Variants in CPAMD8 observed in about 807,000 individuals in gnomAD.
CPAMD8 encodes C3 and PZP-like alpha-2-macroglobulin domain-containing protein 8.
In CPAMD8, 146 loss-of-function variants were observed where a neutral mutation model predicts 224.7. The observed-to-expected ratio is 0.65, with a 90% CI of 0.57 to 0.75. The LOEUF (loss-of-function observed/expected upper bound fraction) is 0.75, where lower values mean the gene tolerates loss of function less well. Among genes scored for constraint, CPAMD8 ranks in the 30% least tolerant of loss-of-function variants. CPAMD8 has a pLI of 0.00. For missense variants in CPAMD8, 2,301 were observed against 2,537.5 expected (o/e 0.91, Z 2.00); for synonymous variants, 966 against 1,044.6 (o/e 0.92, Z 1.45).
intron 22 of CPAMD8, among the ~76,000 whole-genome samples, chr19:16,939,321 C>T (rs1412926670): frequency 1.3e-5 from 2 of 152,024 alleles, no homozygotes; most frequent in African/African-American, 4.8e-5. Flanking sequence ...AAGTCTCATG[C>T]CTCAGCCTCC....
chr19:16,915,802 A>AGCCTGCCC lies in CPAMD8; in HGVS notation c.3630-997_3630-990dup, dbSNP rs1291555930. 4.9e-3 allele frequency among the ~76,000 whole-genome samples: 680 copies of AGCCTGCCC among 139,706 alleles called. 1 individual carries two copies. Among genetic ancestry groups the AGCCTGCCC allele is most frequent in the African/African-American group, 0.016 (651 of 40,080 alleles). 91.7% of individuals were successfully genotyped at this position (139,706 alleles called of 152,430 possible). ...ATGAACCACAAAAATGGGATGCATTAGCCTGCCCGCCTGCCCGCCTGCCTG... is the reference window on the plus strand; with the variant it reads ...ATGAACCACAAAAATGGGATGCATTAGCCTGCCCGCCTGCCCGCCTGCCCGCCTGCCTG... On this transcript the variant is annotated intron_variant, in intron 27 of 41. Coordinates refer to ENST00000443236, the MANE Select transcript of CPAMD8 (RefSeq NM_015692.5).
At chr19:16,916,007 C>G (rs1356245562) in intron 27 of CPAMD8, among the ~76,000 whole-genome samples, 1 of 150,984 alleles carries the variant, frequency 6.6e-6, no homozygotes, top group East Asian at 1.9e-4. Context: ...CTTCCTCTCT[C>G]TCTCTCTCTT....
At chr19:16,999,352 A>T (rs1187801707) in intron 10 of CPAMD8, among the ~76,000 whole-genome samples, 1 of 152,008 alleles carries the variant, frequency 6.6e-6, no homozygotes, top group Non-Finnish European at 1.5e-5. Context: ...AGGCCGAGGC[A>T]GGTGGATCAC....
chr19:16,980,405 G>T, intron 14 of CPAMD8, 92 bp downstream of exon 14: 1 of 1,231,438 alleles, frequency 8.1e-7, no homozygotes, highest in Non-Finnish European at 1.2e-6. Context: ...TCTCTGCTGG[G>T]TCTTGCCTTG....
Position 16,904,331 on chromosome 19 carries a change from G to A in CPAMD8, c.4146C>T (p.Tyr1382=), listed in dbSNP as rs759126929. Residue 1382 remains tyrosine, a synonymous_variant, in exon 32 of 42, where the codon TAC becomes TAT. Transcript: ENST00000443236. ...CCAGCAGAGTGTAGGTCAGAAGGGC[G>A]TAGGCTGTCATTTCCACCTCGGCCG... ...VVSAEVEMTA[Y]ALLTYTLLGD... is the part of the protein sequence containing the mutation. 31 of 1,613,776 alleles carry A rather than the reference G, an allele frequency of 1.9e-5. No homozygotes were observed. Among genetic ancestry groups the A allele is most frequent in the African/African-American group, 8.0e-5 (6 of 74,918 alleles).
In CPAMD8 at chr19:16,971,053, C is replaced by A. The variant is rs779697866; in HGVS notation, c.2071-20G>T. On this transcript the variant is annotated intron_variant, in intron 17 of 41. Transcript: ENST00000443236. Reference sequence around the variant, plus strand: ...CGTTTCCTAGGCAACAGACAACACCCAAACCATTGGTGGGGAAGTGGATGC... The same window carrying A: ...CGTTTCCTAGGCAACAGACAACACCAAAACCATTGGTGGGGAAGTGGATGC... 3.2e-6 allele frequency: 5 copies of A among 1,581,178 alleles called. No individual in the cohort carries two copies. The highest frequency in any genetic ancestry group is 2.6e-6 in the Non-Finnish European group (3 of 1,162,714).
intron 23 of CPAMD8, among the ~76,000 whole-genome samples, chr19:16,932,715 A>G (rs565073075): frequency 6.6e-6 from 1 of 152,334 alleles, no homozygotes; most frequent in East Asian, 1.9e-4. Flanking sequence ...AAGTAACCAA[A>G]TACTCAAAAT....
intron 21 of CPAMD8, 33 bp downstream of exon 21, chr19:16,947,041 G>A (rs368205586): frequency 6.4e-7 from 1 of 1,557,460 alleles, no homozygotes; most frequent in African/African-American, 1.4e-5. Context: ...GGCCTGGAGA[G>A]GGGGGACACC....
At chr19:16,926,855 C>T (rs1052061547) in intron 25 of CPAMD8, among the ~76,000 whole-genome samples, 2 of 152,174 alleles carry the variant, frequency 1.3e-5, no homozygotes, top group Non-Finnish European at 2.9e-5. Flanking sequence ...AGCCCCACAT[C>T]CACTCTGACT....
intron 29 of CPAMD8, among the ~76,000 whole-genome samples, chr19:16,911,462 A>C (rs1287198262): frequency 2.0e-5 from 3 of 149,372 alleles, no homozygotes; most frequent in African/African-American, 2.5e-5. Flanking sequence ...CCCAGGTTCA[A>C]GCGATTCTCC....
At chr19:16,962,454 TAAATTAATGAAATAAAGC>T (rs2054688924) in intron 18 of CPAMD8, among the ~76,000 whole-genome samples, 1 of 152,082 alleles carries the variant, frequency 6.6e-6, no homozygotes, top group Non-Finnish European at 1.5e-5. Flanking sequence ...GATTGAAGAT[TAAATTAATGAAATAAAGC>T]AAAAAGACAA....
chr19:16,937,080 CCTTCCTTCCTCCTTCCTTCCTTT>C (rs1346776283), intron 23 of CPAMD8, among the ~76,000 whole-genome samples: 4 of 149,148 alleles, frequency 2.7e-5, no homozygotes, highest in Admixed American at 1.3e-4. Context: ...TTCCTTCCTT[CCTTCCTTCCTCCTTCCTTCCTTT>C]CTTCCTTCCC....
intron 1 of CPAMD8, among the ~76,000 whole-genome samples, chr19:17,025,779 G>A (rs1183674396): frequency 1.3e-5 from 2 of 152,222 alleles, no homozygotes; most frequent in East Asian, 3.8e-4. Flanking sequence ...GGAGAGGGAA[G>A]TCTGGATGCT....
chr19:16,927,945 C>T, intron 25 of CPAMD8, 64 bp downstream of exon 25: 1 of 1,197,314 alleles, frequency 8.4e-7, no homozygotes, highest in Non-Finnish European at 1.2e-6. Context: ...GAGACTAAGC[C>T]TGGAGTCTCA....
chr19:16,991,047 T>C (rs1215440986), intron 12 of CPAMD8, among the ~76,000 whole-genome samples: 1 of 151,642 alleles, frequency 6.6e-6, no homozygotes, highest in South Asian at 2.1e-4. Context: ...GGGCAGGAGA[T>C]TGAGATTAGT....
chr19:16,990,263 G>C (rs2055893891), intron 12 of CPAMD8, among the ~76,000 whole-genome samples: 1 of 151,424 alleles, frequency 6.6e-6, no homozygotes. Context: ...AAAAAAAAAA[G>C]AAGCAAGCAT....
chr19:16,905,326 T>C lies in CPAMD8; in HGVS notation c.4028-774A>G, dbSNP rs570469962. The stretch of plus-strand genomic sequence containing the variant: ...AAGGCACGGTGGCTCATGCCTGTAA[T>C]CCCAGCACTTTGGGAGGCTGAGGCA... On this transcript the variant is annotated intron_variant, in intron 30 of 41. Coordinates refer to ENST00000443236, the MANE Select transcript of CPAMD8 (RefSeq NM_015692.5). Among the ~76,000 whole-genome samples, 143 of 151,364 alleles carry C rather than the reference T, an allele frequency of 9.4e-4. 2 individuals carry two copies. The Middle Eastern group carries it at 0.01, about 11-fold the overall frequency.
intron 22 of CPAMD8, among the ~76,000 whole-genome samples, chr19:16,943,173 G>A (rs1015363787): frequency 6.0e-5 from 9 of 150,322 alleles, no homozygotes; most frequent in African/African-American, 1.7e-4. Flanking sequence ...GTGCCACCAC[G>A]CCCAGCTAAT....
intron 22 of CPAMD8, among the ~76,000 whole-genome samples, chr19:16,943,897 G>A (rs1044500938): frequency 1.8e-4 from 27 of 152,144 alleles, no homozygotes; most frequent in African/African-American, 6.0e-4. Context: ...AGTGAGGCCC[G>A]AATTATTTCT....
Sources: allele counts gnomAD v4.1 joint callset (sites outside exome capture counted in the v4.1 genomes callset), GRCh38; gene constraint gnomAD v4.1.1; transcripts MANE v1.5; gene names NCBI Gene and HGNC (gene_info 2026-07-23, HGNC 2026-07-21).